Variants in HMCN1 observed in about 807,000 individuals in gnomAD.
The protein encoded by HMCN1 is hemicentin-1.
In HMCN1, 321 loss-of-function variants were observed where a neutral mutation model predicts 625.9. The observed-to-expected ratio is 0.51, with a 90% confidence interval of 0.47 to 0.56. The LOEUF is 0.56. HMCN1 is among the 20% of genes least tolerant of loss of function. The probability of loss-of-function intolerance (pLI) is 0.00; values close to 1 mark genes in which losing one functional copy is unlikely to be tolerated. For missense variants in HMCN1, 6,588 were observed against 6,887.3 expected (o/e 0.96, Z 1.54); for synonymous variants, 2,425 against 2,417.6 (o/e 1.00, Z -0.09).
At chr1:186,068,330 G>A (rs1249310497) in intron 50 of HMCN1, among the ~76,000 whole-genome samples, 1 of 152,118 alleles carries the variant, frequency 6.6e-6, no homozygotes, top group Non-Finnish European at 1.5e-5. Flanking sequence ...ATTCATTCCT[G>A]ATTAAATATT....
chr1:185,825,456 T>G (rs1366351384), intron 1 of HMCN1, among the ~76,000 whole-genome samples: 1 of 152,206 alleles, frequency 6.6e-6, no homozygotes, highest in Non-Finnish European at 1.5e-5. Flanking sequence ...TGCTAACTTC[T>G]ATTTGTAAAT....
intron 71 of HMCN1, among the ~76,000 whole-genome samples, chr1:186,111,217 G>A (rs1414811746): frequency 6.6e-6 from 1 of 151,702 alleles, no homozygotes; most frequent in Non-Finnish European, 1.5e-5. Flanking sequence ...TCCTGACCTC[G>A]TGATCCACCC....
At chr1:186,073,031 G>A (rs946867684) in intron 52 of HMCN1, among the ~76,000 whole-genome samples, 1 of 152,178 alleles carries the variant, frequency 6.6e-6, no homozygotes, top group Non-Finnish European at 1.5e-5. Flanking sequence ...TTGTTGCTTG[G>A]ACCAAGGTGG....
chr1:186,114,695 G>C (rs1019317014), intron 73 of HMCN1, 124 bp from the exon 74 acceptor site: 1 of 1,112,052 alleles, frequency 9.0e-7, no homozygotes, highest in Non-Finnish European at 1.4e-6. Flanking sequence ...TCATAAACAT[G>C]TGTCATCTGA....
chr1:186,039,204 TAA>T (rs1656037199), intron 38 of HMCN1, among the ~76,000 whole-genome samples, 199 bp downstream of exon 38: 1 of 152,220 alleles, frequency 6.6e-6, no homozygotes, highest in South Asian at 2.1e-4. Flanking sequence ...GCTGTTGACT[TAA>T]GTTTGCTTTC....
intron 1 of HMCN1, among the ~76,000 whole-genome samples, chr1:185,799,249 G>A (rs144494756): frequency 5.3e-5 from 8 of 152,334 alleles, no homozygotes; most frequent in African/African-American, 1.9e-4. Context: ...GTTGGTGGAA[G>A]TCTCAAGAGG....
At chr1:185,976,448 C>T (rs1307929750) in intron 15 of HMCN1, among the ~76,000 whole-genome samples, 1 of 152,120 alleles carries the variant, frequency 6.6e-6, no homozygotes, top group East Asian at 1.9e-4. Flanking sequence ...GCTTGAGAGA[C>T]AACTGTACAT....
chr1:186,185,834 G>C (rs773940023), intron 105 of HMCN1, among the ~76,000 whole-genome samples: 1 of 152,112 alleles, frequency 6.6e-6, no homozygotes, highest in African/African-American at 2.4e-5. Flanking sequence ...GCATTTGACC[G>C]TCAGGACCCA....
At chr1:185,800,793 T>C (rs1215039448) in intron 1 of HMCN1, among the ~76,000 whole-genome samples, 1 of 152,194 alleles carries the variant, frequency 6.6e-6, no homozygotes, top group Non-Finnish European at 1.5e-5. Flanking sequence ...AAAAAAATAT[T>C]TGGCCATCTA....
intron 83 of HMCN1, among the ~76,000 whole-genome samples, chr1:186,128,795 A>G (rs1342982074): frequency 6.6e-6 from 1 of 152,022 alleles, no homozygotes; most frequent in Non-Finnish European, 1.5e-5. Flanking sequence ...ACCCAGGAGC[A>G]CCCATCCCTG....
At chr1:186,028,960 C>T (rs1048076836) in intron 36 of HMCN1, among the ~76,000 whole-genome samples, 3 of 151,820 alleles carry the variant, frequency 2.0e-5, no homozygotes, top group Admixed American at 6.6e-5. Context: ...CTCCTCACCT[C>T]GTGATCCGTG....
intron 1 of HMCN1, among the ~76,000 whole-genome samples, chr1:185,841,484 A>G (rs1419132625): frequency 6.6e-6 from 1 of 152,210 alleles, no homozygotes; most frequent in Non-Finnish European, 1.5e-5. Context: ...TAGCTATAGC[A>G]TTGAGGCTCC....
intron 65 of HMCN1, 64 bp downstream of exon 65, chr1:186,093,322 G>C: frequency 6.2e-7 from 1 of 1,605,268 alleles, no homozygotes; most frequent in South Asian, 1.1e-5. Flanking sequence ...TAGAAGTGAA[G>C]GCCCAGCAGC....
chr1:185,891,286 T>A lies in HMCN1; in HGVS notation c.622-18051T>A, dbSNP rs1190525010. Reference sequence around the variant, plus strand: ...ATCCAATTTGCCAGTCTGTGTCTTTTAATTGGAGCATTTAGTCCATTTACA... The same window carrying A: ...ATCCAATTTGCCAGTCTGTGTCTTTAAATTGGAGCATTTAGTCCATTTACA... On this transcript the variant is annotated intron_variant, in intron 4 of 106. Transcript: ENST00000271588. 3.5e-5 allele frequency among the ~76,000 whole-genome samples: 5 copies of A among 141,362 alleles called. No homozygotes were observed. The East Asian group carries it at 7.9e-4, about 22-fold the overall frequency. 92.7% of individuals were successfully genotyped at this position (141,362 alleles called of 152,430 possible).
chr1:185,943,933 G>T (rs1244544441), intron 11 of HMCN1, among the ~76,000 whole-genome samples: 1 of 152,094 alleles, frequency 6.6e-6, no homozygotes, highest in East Asian at 1.9e-4. Flanking sequence ...TAGGAACTCT[G>T]CAAGGAATCA....
intron 10 of HMCN1, among the ~76,000 whole-genome samples, chr1:185,932,593 C>G (rs192603731): frequency 1.3e-5 from 2 of 152,060 alleles, no homozygotes; most frequent in East Asian, 3.9e-4. Context: ...GATTCACTCT[C>G]AAAACTAACT....
chr1:185,864,591 A>G lies in HMCN1; in HGVS notation c.461A>G (p.His154Arg), dbSNP rs970620629. Residue 154 changes from histidine (H) to arginine (R), a missense_variant, in exon 3 of 107, where the codon CAT (histidine) becomes CGT (arginine). Transcript: ENST00000271588. Reference sequence around the variant, plus strand: ...CGGTCCAAAGATTACCGGCTCACCCATGAGGTGCTGCAACTTATCCAACAG... The same window carrying G: ...CGGTCCAAAGATTACCGGCTCACCCGTGAGGTGCTGCAACTTATCCAACAG... ...DARSKDYRLT[H>R]EVLQLIQQKQ... The G allele has an allele frequency of 1.2e-6, 2 of 1,614,038 alleles. No individual in the cohort carries two copies. Among genetic ancestry groups the G allele is most frequent in the Non-Finnish European group, 1.7e-6 (2 of 1,179,994 alleles).
chr1:186,071,668 G>A (rs923610617), intron 52 of HMCN1, among the ~76,000 whole-genome samples: 3 of 152,138 alleles, frequency 2.0e-5, no homozygotes, highest in African/African-American at 7.2e-5. Context: ...GATTTCAGAT[G>A]GATTTTGCAA....
At chr1:186,030,563 G>A (rs942059088) in intron 36 of HMCN1, among the ~76,000 whole-genome samples, 1 of 151,670 alleles carries the variant, frequency 6.6e-6, no homozygotes. Context: ...TACTTTCAAT[G>A]TATTTGTCTT....
Sources: allele counts gnomAD v4.1 joint callset (sites outside exome capture counted in the v4.1 genomes callset), GRCh38; gene constraint gnomAD v4.1.1; transcripts MANE v1.5; gene names NCBI Gene and HGNC (gene_info 2026-07-23, HGNC 2026-07-21).